SDCCAG8: variants seen among roughly 807,000 people sequenced by gnomAD.
The protein encoded by SDCCAG8 is SHH signaling and ciliogenesis regulator SDCCAG8.
SDCCAG8 carries 74 observed loss-of-function variants against 101.8 expected under a neutral mutation model. The ratio of observed to expected loss-of-function variants is 0.73; its 90% confidence interval spans 0.60 to 0.88. The LOEUF is 0.88. SDCCAG8 is among the 40% of genes least tolerant of loss of function. The pLI is 0.00. For missense variants in SDCCAG8, 787 were observed against 822.6 expected (o/e 0.96, Z 0.53); for synonymous variants, 281 against 292.9 (o/e 0.96, Z 0.41).
At chr1:243,488,415 C>T (rs1436431761) in intron 16 of SDCCAG8, 1 of 160,066 alleles carries the variant, frequency 6.2e-6, no homozygotes, top group African/African-American at 2.4e-5. Context: ...GCCAACAGTT[C>T]CATGGGTGAC....
intron 9 of SDCCAG8, among the ~76,000 whole-genome samples, chr1:243,329,308 G>A (rs930189235): frequency 1.3e-5 from 2 of 152,118 alleles, no homozygotes; most frequent in African/African-American, 4.8e-5. Flanking sequence ...ATGCCTGGGA[G>A]CATAGAAACT....
At chr1:243,283,609 C>T (rs1479567847) in intron 4 of SDCCAG8, among the ~76,000 whole-genome samples, 1 of 151,826 alleles carries the variant, frequency 6.6e-6, no homozygotes, top group African/African-American at 2.4e-5. Context: ...CTCTTCATGT[C>T]TGTTAATAGT....
Position 243,498,068 on chromosome 1 carries a change from T to C in SDCCAG8, c.2113-1688T>C, listed in dbSNP as rs534479412. Among the ~76,000 whole-genome samples, 12 of 152,344 alleles carry C rather than the reference T, an allele frequency of 7.9e-5. No homozygotes were observed. The East Asian group carries it at 2.3e-3, about 29-fold the overall frequency. On this transcript the variant is annotated intron_variant, in intron 17 of 17. Transcript: ENST00000366541. Reference sequence around the variant, plus strand: ...AGCATTTCTAAAGTTAGGAAGCCACTGTGTCAAGAGCGAGGCCACCAGGCC... The same window carrying C: ...AGCATTTCTAAAGTTAGGAAGCCACCGTGTCAAGAGCGAGGCCACCAGGCC...
At chr1:243,285,208 ACTGAG>A (rs1558233960) in intron 4 of SDCCAG8, among the ~76,000 whole-genome samples, 3 of 152,312 alleles carry the variant, frequency 2.0e-5, no homozygotes, top group South Asian at 2.1e-4. Flanking sequence ...ACTTGCTGAC[ACTGAG>A]CTTCCAGCAA....
intron 9 of SDCCAG8, among the ~76,000 whole-genome samples, chr1:243,318,717 C>T (rs1158002259): frequency 4.6e-5 from 7 of 152,142 alleles, no homozygotes; most frequent in African/African-American, 1.7e-4. Flanking sequence ...CTCTAGCTGT[C>T]CCTCAATGCC....
At chr1:243,270,366 C>T in intron 2 of SDCCAG8, 109 bp downstream of exon 2, 1 of 1,067,372 alleles carries the variant, frequency 9.4e-7, no homozygotes, top group Non-Finnish European at 1.4e-6. Flanking sequence ...TGTTATTCCT[C>T]AAACACAAAT....
At chr1:243,432,170 A>T (rs1229941764) in intron 16 of SDCCAG8, among the ~76,000 whole-genome samples, 1 of 152,260 alleles carries the variant, frequency 6.6e-6, no homozygotes, top group Non-Finnish European at 1.5e-5. Flanking sequence ...AGTGCTTGAA[A>T]ATAGAAGCCT....
chr1:243,360,721 C>T (rs1164053803), intron 12 of SDCCAG8, among the ~76,000 whole-genome samples: 1 of 152,030 alleles, frequency 6.6e-6, no homozygotes, highest in East Asian at 1.9e-4. Context: ...ACTCGGGAGG[C>T]TGAGGCAGGA....
intron 12 of SDCCAG8, among the ~76,000 whole-genome samples, chr1:243,355,310 T>C (rs1170823901): frequency 1.9e-5 from 2 of 104,784 alleles, no homozygotes; most frequent in Admixed American, 1.2e-4. Flanking sequence ...GAAGTCCTGA[T>C]ACCTTCTCTC....
chr1:243,368,938 C>A (rs2077137623), intron 12 of SDCCAG8, among the ~76,000 whole-genome samples: 1 of 152,130 alleles, frequency 6.6e-6, no homozygotes, highest in African/African-American at 2.4e-5. Context: ...ATAAATCCTA[C>A]TACTAAGATA....
chr1:243,320,572 A>C (rs1248247760), intron 9 of SDCCAG8, among the ~76,000 whole-genome samples: 1 of 152,100 alleles, frequency 6.6e-6, no homozygotes, highest in Non-Finnish European at 1.5e-5. Flanking sequence ...GGCTTACTAG[A>C]GTTAGCCAGA....
intron 16 of SDCCAG8, among the ~76,000 whole-genome samples, chr1:243,452,241 C>T (rs1269240748): frequency 6.6e-6 from 1 of 152,108 alleles, no homozygotes. Context: ...CTGCACTAAG[C>T]ATGTGTTAGT....
chr1:243,363,752 A>T (rs2076847978), intron 12 of SDCCAG8, among the ~76,000 whole-genome samples: 1 of 152,222 alleles, frequency 6.6e-6, no homozygotes, highest in African/African-American at 2.4e-5. Flanking sequence ...CACAGCATAT[A>T]AATTCAGTAA....
intron 1 of SDCCAG8, chr1:243,268,234 A>T: frequency 2.4e-6 from 1 of 413,312 alleles, no homozygotes; most frequent in Non-Finnish European, 4.4e-6. Context: ...TTCAATAAAG[A>T]TAAGTGTTTT....
intron 15 of SDCCAG8, among the ~76,000 whole-genome samples, chr1:243,421,984 C>G (rs2081042285): frequency 6.6e-6 from 1 of 152,176 alleles, no homozygotes; most frequent in African/African-American, 2.4e-5. Flanking sequence ...CTATCTAACA[C>G]CTGGCCTGGG....
intron 10 of SDCCAG8, among the ~76,000 whole-genome samples, chr1:243,333,697 TC>T (rs1376133896): frequency 6.9e-4 from 105 of 152,360 alleles, no homozygotes; most frequent in Non-Finnish European, 3.1e-4. Context: ...TGATTTTTTT[TC>T]AGTCTTATTC....
chr1:243,336,536 T>A (rs2075023559), intron 10 of SDCCAG8, among the ~76,000 whole-genome samples: 1 of 152,156 alleles, frequency 6.6e-6, no homozygotes, highest in Non-Finnish European at 1.5e-5. Flanking sequence ...AGCAGGCATG[T>A]CTTCTGTGGT....
Position 243,308,162 on chromosome 1 carries a change from T to C in SDCCAG8, c.914T>C (p.Ile305Thr). The C allele has an allele frequency of 6.2e-7, 1 of 1,614,162 alleles. No homozygotes were observed. Among genetic ancestry groups the C allele is most frequent in the Non-Finnish European group, 8.5e-7 (1 of 1,180,012 alleles). ...CATACTAATGTTCATATGCAGACCA[T>C]CGAAAGACTGGTTAAGTAAGTATGC... is the stretch of plus-strand genomic sequence containing the variant. ...QTHTNVHMQT[I>T]ERLVKERDDL... Residue 305 changes from isoleucine (I) to threonine (T), a missense_variant, in exon 8 of 18, where the codon ATC becomes ACC. Transcript: ENST00000366541.
At chr1:243,284,293 A>T (rs2069367965) in intron 4 of SDCCAG8, among the ~76,000 whole-genome samples, 1 of 152,148 alleles carries the variant, frequency 6.6e-6, no homozygotes, top group South Asian at 2.1e-4. Context: ...TACATGTCAG[A>T]GGCTAAAATT....
Sources: allele counts gnomAD v4.1 joint callset (sites outside exome capture counted in the v4.1 genomes callset), GRCh38; gene constraint gnomAD v4.1.1; transcripts MANE v1.5; gene names NCBI Gene and HGNC (gene_info 2026-07-23, HGNC 2026-07-21).